Variants in NLRP13 observed in about 807,000 individuals in gnomAD.
The protein encoded by NLRP13 is NACHT, LRR and PYD domains-containing protein 13.
NLRP13 carries 82 observed loss-of-function variants against 94.4 expected under a neutral mutation model. That is an observed-to-expected ratio of 0.87 (90% CI 0.73 to 1.04). The LOEUF is 1.04. Among genes scored for constraint, NLRP13 ranks in the 50% least tolerant of loss-of-function variants. NLRP13 has a pLI of 0.00. For synonymous variants in NLRP13, 553 were observed against 464.7 expected, an observed-to-expected ratio of 1.19 and a Z score of -2.45; for missense variants, 1,426 against 1,230.8, an observed-to-expected ratio of 1.16 and a Z score of -2.37.
In NLRP13 at chr19:55,917,761, C is replaced by G. The variant is rs568565680; in HGVS notation, c.524-4468G>C. 2.1e-4 allele frequency among the ~76,000 whole-genome samples: 31 copies of G among 150,982 alleles called. No individual in the cohort carries two copies. The East Asian group carries it at 4.9e-3, about 24-fold the overall frequency. Reference sequence around the variant, plus strand: ...CATATATACATCCATACCAGAGTACCTAGATTCATAAAACAAATATTATTA... The same window carrying G: ...CATATATACATCCATACCAGAGTACGTAGATTCATAAAACAAATATTATTA... On this transcript the variant is annotated intron_variant, in intron 4 of 10. Coordinates refer to ENST00000342929, the MANE Select transcript of NLRP13 (RefSeq NM_176810.2).
At chr19:55,915,916 A>C (rs958349352) in intron 4 of NLRP13, among the ~76,000 whole-genome samples, 1 of 152,194 alleles carries the variant, frequency 6.6e-6, no homozygotes, top group Non-Finnish European at 1.5e-5. Flanking sequence ...AGCTGGCTCT[A>C]ACCTGCACGT....
At chr19:55,913,938 G>T (rs904599683) in intron 4 of NLRP13, among the ~76,000 whole-genome samples, 1 of 152,048 alleles carries the variant, frequency 6.6e-6, no homozygotes, top group Non-Finnish European at 1.5e-5. Flanking sequence ...TCACTTCCTC[G>T]AAACACTTCA....
rs775363998 is a variant in NLRP13 at position 55,912,838 on chromosome 19, C to T, written c.979G>A (p.Asp327Asn). The change falls in exon 5 of 11, where the codon GAT (aspartate) becomes AAT (asparagine). Residue 327 changes from aspartate to asparagine, a missense_variant. Asp to Asn is a conservative substitution (Grantham distance 23). Coordinates refer to ENST00000342929, the MANE Select transcript of NLRP13 (RefSeq NM_176810.2). ...CAGTCTGTACATGGCGAGCCATCATCCAAGCTCTCAGAGCGTGACTCAGAT... is the reference window on the plus strand; with the variant it reads ...CAGTCTGTACATGGCGAGCCATCATTCAAGCTCTCAGAGCGTGACTCAGAT... ...IISESRSESL[D>N]DGSPCTDWYQ... 1 of 1,614,176 alleles carries T rather than the reference C, an allele frequency of 6.2e-7. No homozygotes were observed. The highest frequency in any genetic ancestry group is 2.2e-5 in the East Asian group (1 of 44,874).
intron 1 of NLRP13, among the ~76,000 whole-genome samples, chr19:55,929,126 C>T (rs1311581013): frequency 1.3e-5 from 2 of 152,160 alleles, no homozygotes; most frequent in East Asian, 3.9e-4. Context: ...AGTCAGGAAA[C>T]AGATGCTGGA....
At chr19:55,905,164 T>C in intron 7 of NLRP13, 52 bp from the exon 8 acceptor site, 1 of 1,592,354 alleles carries the variant, frequency 6.3e-7, no homozygotes, top group Non-Finnish European at 8.6e-7. Context: ...CCCAGGTTCC[T>C]CTACCTTTCT....
Position 55,912,432 on chromosome 19 carries a change from T to A in NLRP13, c.1385A>T (p.Asn462Ile). 1 of 1,614,116 alleles carries A rather than the reference T, an allele frequency of 6.2e-7. No homozygotes were observed. Among genetic ancestry groups the A allele is most frequent in the Non-Finnish European group, 8.5e-7 (1 of 1,180,014 alleles). Residue 462 changes from asparagine (N) to isoleucine (I), a missense_variant, in exon 5 of 11, where the codon AAC (asparagine) becomes ATC (isoleucine). Transcript: ENST00000342929. ...TTSLYAYFFS[N>I]LFSTAEVDLA... ...ATCTACCTCTGCTGTGGAGAACAAG[T>A]TGGAGAAAAAATAGGCATACAGACT...
chr19:55,908,021 G>T, intron 6 of NLRP13, 65 bp from the exon 7 acceptor site: 2 of 1,458,686 alleles, frequency 1.4e-6, no homozygotes, highest in Non-Finnish European at 1.9e-6. Context: ...GATCCCGTCT[G>T]CCTCCTCACC....
intron 4 of NLRP13, among the ~76,000 whole-genome samples, chr19:55,923,554 C>T (rs998458835): frequency 6.6e-6 from 1 of 152,136 alleles, no homozygotes; most frequent in African/African-American, 2.4e-5. Context: ...GACTCAAGGC[C>T]TTTGTCATTA....
downstream of NLRP13, among the ~76,000 whole-genome samples, chr19:55,895,669 C>T (rs565778853): frequency 8.3e-4 from 127 of 152,170 alleles, no homozygotes; most frequent in East Asian, 1.5e-3. Context: ...GGTGACAGAG[C>T]GAGACACTGT....
In NLRP13 at chr19:55,912,392, G is replaced by C. The variant is rs991342955; in HGVS notation, c.1425C>G (p.Ser475Arg). Residue 475 changes from serine (S) to arginine (R), a missense_variant, in exon 5 of 11, where the codon AGC becomes AGG. Transcript: ENST00000342929. ...STAEVDLADD[S>R]WPGQWRALCS... is the part of the protein sequence containing the mutation. Reference sequence around the variant, plus strand: ...AGAGGGCCCTCCATTGTCCTGGCCAGCTGTCATCTGCCAAATCTACCTCTG... The same window carrying C: ...AGAGGGCCCTCCATTGTCCTGGCCACCTGTCATCTGCCAAATCTACCTCTG... 2 of 1,614,152 alleles carry C rather than the reference G, an allele frequency of 1.2e-6. No individual in the cohort carries two copies. Among genetic ancestry groups the C allele is most frequent in the Non-Finnish European group, 1.7e-6 (2 of 1,180,028 alleles).
chr19:55,900,475 G>C (rs533075826), intron 9 of NLRP13, among the ~76,000 whole-genome samples: 7 of 152,090 alleles, frequency 4.6e-5, no homozygotes, highest in African/African-American at 1.7e-4. Context: ...ACGATTCCTC[G>C]AGAATCTAGA....
chr19:55,905,478 T>TATATAC, intron 7 of NLRP13, among the ~76,000 whole-genome samples: 1 of 119,034 alleles, frequency 8.4e-6, no homozygotes, highest in Non-Finnish European at 2.0e-5. Flanking sequence ...TATATACATA[T>TATATAC]ATATATACAC....
chr19:55,894,384 G>A (rs940485078), downstream of NLRP13, among the ~76,000 whole-genome samples: 1 of 152,144 alleles, frequency 6.6e-6, no homozygotes, highest in Admixed American at 6.6e-5. Flanking sequence ...GAATGGGGTG[G>A]AAAGTGTTCT....
chr19:55,893,324 G>A (rs1373064611), downstream of NLRP13, among the ~76,000 whole-genome samples: 2 of 151,766 alleles, frequency 1.3e-5, no homozygotes, highest in African/African-American at 2.4e-5. Flanking sequence ...GGAGGCGGAG[G>A]GTGCGGTGAG....
At chr19:55,907,272 T>C (rs1986381040) in intron 7 of NLRP13, among the ~76,000 whole-genome samples, 1 of 151,380 alleles carries the variant, frequency 6.6e-6, no homozygotes, top group Non-Finnish European at 1.5e-5. Context: ...ATCTGTATTT[T>C]AAAACACCCA....
intron 9 of NLRP13, 32 bp downstream of exon 9, chr19:55,902,003 C>A (rs759932477): frequency 6.2e-7 from 1 of 1,610,208 alleles, no homozygotes; most frequent in Non-Finnish European, 8.5e-7. Flanking sequence ...TCTCCTCCAT[C>A]TGCCAACTCA....
downstream of NLRP13, among the ~76,000 whole-genome samples, chr19:55,892,492 G>T (rs1985884211): frequency 6.6e-6 from 1 of 152,066 alleles, no homozygotes; most frequent in South Asian, 2.1e-4. Flanking sequence ...CGTGATCTCG[G>T]CTCACTGCAC....
intron 1 of NLRP13, among the ~76,000 whole-genome samples, chr19:55,928,899 G>A (rs760444401): frequency 6.6e-6 from 1 of 151,856 alleles, no homozygotes; most frequent in Non-Finnish European, 1.5e-5. Flanking sequence ...TCTGACAAAG[G>A]GCTAATATCC....
At chr19:55,924,929 G>A in intron 2 of NLRP13, 38 bp downstream of exon 2, 2 of 1,551,126 alleles carry the variant, frequency 1.3e-6, no homozygotes, top group Non-Finnish European at 1.8e-6. Flanking sequence ...GCTCCATCAA[G>A]CAACCTGTCC....
Sources: allele counts gnomAD v4.1 joint callset (sites outside exome capture counted in the v4.1 genomes callset), GRCh38; gene constraint gnomAD v4.1.1; transcripts MANE v1.5; gene names NCBI Gene and HGNC (gene_info 2026-07-23, HGNC 2026-07-21).